The following EPHA6 variants were observed in gnomAD, a reference collection of about 807,000 sequenced individuals.
EPHA6 encodes EPH receptor A6.
In EPHA6, 50 loss-of-function variants were observed where a neutral mutation model predicts 112.0. The observed-to-expected ratio is 0.45, with a 90% CI of 0.36 to 0.56. EPHA6 has a LOEUF of 0.56. Among genes scored for constraint, EPHA6 ranks in the 20% least tolerant of loss-of-function variants. The pLI is 0.00. For missense variants in EPHA6, 1,280 were observed against 1,417.4 expected, an observed-to-expected ratio of 0.90 and a Z score of 1.56; for synonymous variants, 529 against 490.7, an observed-to-expected ratio of 1.08 and a Z score of -1.03.
intron 5 of EPHA6, among the ~76,000 whole-genome samples, chr3:97,384,966 C>T (rs867918961): frequency 4.6e-5 from 7 of 151,984 alleles, no homozygotes; most frequent in Middle Eastern, 3.2e-3. Flanking sequence ...TTTTTAAAGG[C>T]CTGATTTGCA....
intron 3 of EPHA6, among the ~76,000 whole-genome samples, chr3:97,181,166 A>G (rs531682888): frequency 7.4e-4 from 112 of 152,174 alleles, no homozygotes; most frequent in African/African-American, 2.6e-3. Context: ...CACTGAGTAC[A>G]TTGTCTCAGA....
intron 5 of EPHA6, among the ~76,000 whole-genome samples, chr3:97,303,089 C>A (rs1207602264): frequency 1.3e-5 from 2 of 151,810 alleles, no homozygotes; most frequent in Non-Finnish European, 2.9e-5. Flanking sequence ...AAAGAAAACT[C>A]TTCTAATTTT....
chr3:97,423,917 AATC>A (rs1207958211), intron 6 of EPHA6, among the ~76,000 whole-genome samples: 1 of 152,202 alleles, frequency 6.6e-6, no homozygotes, highest in Non-Finnish European at 1.5e-5. Context: ...CTCTCTATTC[AATC>A]AATGATGCAG....
chr3:97,210,037 A>G (rs1210440667), intron 3 of EPHA6, among the ~76,000 whole-genome samples: 2 of 152,186 alleles, frequency 1.3e-5, no homozygotes, highest in Admixed American at 1.3e-4. Context: ...CTCTTACAAA[A>G]AAGAAATATG....
intron 13 of EPHA6, among the ~76,000 whole-genome samples, chr3:97,620,275 G>T (rs1209068515): frequency 6.6e-6 from 1 of 152,002 alleles, no homozygotes; most frequent in East Asian, 1.9e-4. Flanking sequence ...ACTCAAGAAG[G>T]ATTAAAGAGT....
At chr3:97,649,016 A>T (rs960324239) in intron 14 of EPHA6, among the ~76,000 whole-genome samples, 5 of 152,108 alleles carry the variant, frequency 3.3e-5, no homozygotes, top group African/African-American at 1.2e-4. Context: ...CTAAAAATGG[A>T]GGGGGTTTGA....
intron 5 of EPHA6, among the ~76,000 whole-genome samples, chr3:97,387,717 T>G (rs2086152628): frequency 6.6e-6 from 1 of 152,190 alleles, no homozygotes. Context: ...CAAAGCCACT[T>G]CCACATTTTC....
intron 11 of EPHA6, among the ~76,000 whole-genome samples, chr3:97,586,724 G>GACAGACA (rs1560164307): frequency 2.6e-5 from 3 of 117,176 alleles, no homozygotes; most frequent in Non-Finnish European, 5.0e-5. Flanking sequence ...ATGGATGGAT[G>GACAGACA]GATAGACAGA....
At chr3:97,647,985 A>G (rs541948011) in intron 14 of EPHA6, among the ~76,000 whole-genome samples, 1 of 152,316 alleles carries the variant, frequency 6.6e-6, no homozygotes, top group African/African-American at 2.4e-5. Flanking sequence ...TAATGGCAGT[A>G]AATGTTCAGA....
intron 3 of EPHA6, among the ~76,000 whole-genome samples, chr3:97,202,829 A>T (rs2077613435): frequency 6.6e-6 from 1 of 152,160 alleles, no homozygotes; most frequent in Admixed American, 6.6e-5. Flanking sequence ...TGCTCTTGAG[A>T]ATAGCAGTAA....
chr3:97,557,921 A>G (rs566144424), intron 11 of EPHA6, among the ~76,000 whole-genome samples: 12 of 151,966 alleles, frequency 7.9e-5, no homozygotes, highest in East Asian at 3.9e-4. Context: ...TGACTCATCT[A>G]TTCTTTAGCT....
chr3:97,686,748 G>A (rs937967148), intron 14 of EPHA6, among the ~76,000 whole-genome samples: 2 of 152,156 alleles, frequency 1.3e-5, no homozygotes, highest in African/African-American at 2.4e-5. Context: ...GCCTAGATAA[G>A]ACTTCAAGTG....
chr3:96,947,218 C>T (rs2041311952), intron 2 of EPHA6, among the ~76,000 whole-genome samples: 1 of 152,058 alleles, frequency 6.6e-6, no homozygotes, highest in African/African-American at 2.4e-5. Context: ...GCTTTTGTTG[C>T]CATTGCTTTT....
chr3:97,539,153 C>CT lies in EPHA6; in HGVS notation c.2386+6622dup, dbSNP rs796213678. On this transcript the variant is annotated intron_variant, in intron 11 of 17. Coordinates refer to ENST00000389672, the MANE Select transcript of EPHA6 (RefSeq NM_001080448.3). ...TTCTTTCTTTCTTTCTTTCTTCTTTCTTTTTTTTTTTTGAGACACAGCCTC... is the reference window on the plus strand; with the variant it reads ...TTCTTTCTTTCTTTCTTTCTTCTTTCTTTTTTTTTTTTTGAGACACAGCCTC... 1.0e-3 allele frequency among the ~76,000 whole-genome samples: 108 copies of CT among 105,376 alleles called. 2 individuals are homozygous for CT. The highest frequency in any genetic ancestry group is 2.3e-3 in the East Asian group (9 of 3,944). 69.1% of individuals were successfully genotyped at this position (105,376 alleles called of 152,430 possible). A position where few individuals can be genotyped will look rare whatever the true frequency, so the allele number is the denominator to read the frequency against.
At chr3:97,182,144 G>A (rs529643846) in intron 3 of EPHA6, among the ~76,000 whole-genome samples, 1 of 151,948 alleles carries the variant, frequency 6.6e-6, no homozygotes, top group African/African-American at 2.4e-5. Context: ...AAAAAAGTAT[G>A]CACTACATTT....
intron 7 of EPHA6, among the ~76,000 whole-genome samples, chr3:97,470,423 C>A (rs2091192473): frequency 6.6e-6 from 1 of 151,558 alleles, no homozygotes; most frequent in Admixed American, 6.6e-5. Flanking sequence ...AAAATATGTT[C>A]ATAACAGAAA....
intron 10 of EPHA6, among the ~76,000 whole-genome samples, chr3:97,521,071 C>G (rs2107618340): frequency 6.6e-6 from 1 of 151,652 alleles, no homozygotes; most frequent in Non-Finnish European, 1.5e-5. Context: ...TAATATCTAT[C>G]TCTTTGGTAA....
chr3:96,999,157 G>A (rs367627213), intron 3 of EPHA6, among the ~76,000 whole-genome samples: 1 of 151,816 alleles, frequency 6.6e-6, no homozygotes, highest in East Asian at 1.9e-4. Flanking sequence ...ATGTACTTTG[G>A]AATTGTAGTA....
intron 5 of EPHA6, among the ~76,000 whole-genome samples, chr3:97,296,819 T>G (rs1371770521): frequency 1.3e-5 from 2 of 152,102 alleles, no homozygotes; most frequent in Non-Finnish European, 2.9e-5. Flanking sequence ...ACCTTTTCTC[T>G]GGGGTTCAGG....
Sources: allele counts gnomAD v4.1 joint callset (sites outside exome capture counted in the v4.1 genomes callset), GRCh38; gene constraint gnomAD v4.1.1; transcripts MANE v1.5; gene names NCBI Gene and HGNC (gene_info 2026-07-23, HGNC 2026-07-21).